SNTG1: variants seen among roughly 807,000 people sequenced by gnomAD.
The protein encoded by SNTG1 is gamma-1-syntrophin.
In SNTG1, 39 loss-of-function variants were observed where a neutral mutation model predicts 74.7. The observed-to-expected ratio is 0.52, with a 90% CI of 0.40 to 0.68. The LOEUF is 0.68. Ranked by LOEUF, SNTG1 falls within the 30% of genes least tolerant of loss-of-function variation. The pLI is 0.00. For synonymous variants in SNTG1, 254 were observed against 217.1 expected, an observed-to-expected ratio of 1.17 and a Z score of -1.49; for missense variants, 685 against 609.5, an observed-to-expected ratio of 1.12 and a Z score of -1.30.
chr8:50,744,280 T>C (rs1187692257), intron 17 of SNTG1, among the ~76,000 whole-genome samples: 2 of 152,028 alleles, frequency 1.3e-5, no homozygotes, highest in African/African-American at 4.8e-5. Context: ...GTTGTGTATC[T>C]ATACACTAAC....
chr8:50,070,725 G>A lies in SNTG1; in HGVS notation c.-102-101836G>A, dbSNP rs929128001. Among the ~76,000 whole-genome samples, 4 of 152,316 alleles carry A rather than the reference G, an allele frequency of 2.6e-5. No homozygotes were observed. The Middle Eastern group carries it at 0.01, about 389-fold the overall frequency. ...TATTGCTGCATAACACAGTACCCACGAAAGTGAGTGGTTTAAAACAGCCAT... is the reference window on the plus strand; with the variant it reads ...TATTGCTGCATAACACAGTACCCACAAAAGTGAGTGGTTTAAAACAGCCAT... On this transcript the variant is annotated intron_variant, in intron 1 of 18. Transcript: ENST00000642720.
intron 1 of SNTG1, among the ~76,000 whole-genome samples, chr8:50,078,523 G>A (rs987009898): frequency 2.0e-5 from 3 of 152,166 alleles, no homozygotes; most frequent in African/African-American, 7.2e-5. Context: ...TTGCTGTTGT[G>A]AATGAGATTT....
chr8:50,361,857 A>G (rs945256043), intron 2 of SNTG1, among the ~76,000 whole-genome samples: 2 of 152,188 alleles, frequency 1.3e-5, no homozygotes, highest in Non-Finnish European at 2.9e-5. Flanking sequence ...ACACTATAGT[A>G]AGTATTTGTA....
intron 1 of SNTG1, among the ~76,000 whole-genome samples, chr8:49,960,231 T>C (rs896685483): frequency 2.6e-5 from 4 of 152,244 alleles, no homozygotes; most frequent in Admixed American, 2.6e-4. Flanking sequence ...AGTGATTTGT[T>C]TTCTTGACTC....
chr8:50,421,468 C>A lies in SNTG1; in HGVS notation c.163-17075C>A, dbSNP rs1158680764. 4.6e-5 allele frequency among the ~76,000 whole-genome samples: 7 copies of A among 152,262 alleles called. No homozygotes were observed. In the East Asian group the frequency reaches 1.2e-3, roughly 25 times the overall value. ...GTGAGGAACACCAGAGGCCACTCGT[C>A]ACCATTTTGTTTTTGGTGAGATTTA... On this transcript the variant is annotated intron_variant, in intron 4 of 18. Coordinates refer to ENST00000642720, the MANE Select transcript of SNTG1 (RefSeq NM_018967.5).
chr8:50,247,299 G>T (rs2086444444), intron 2 of SNTG1, among the ~76,000 whole-genome samples: 1 of 152,102 alleles, frequency 6.6e-6, no homozygotes, highest in African/African-American at 2.4e-5. Flanking sequence ...TAAAGCATCA[G>T]TGATGTTACC....
intron 12 of SNTG1, among the ~76,000 whole-genome samples, chr8:50,583,222 G>A (rs1165263259): frequency 3.3e-5 from 5 of 151,820 alleles, no homozygotes; most frequent in African/African-American, 1.2e-4. Context: ...GGCCAACATG[G>A]TGAAACCCTG....
intron 1 of SNTG1, among the ~76,000 whole-genome samples, chr8:50,042,941 G>T (rs916395473): frequency 2.6e-5 from 4 of 152,102 alleles, no homozygotes; most frequent in Non-Finnish European, 4.4e-5. Flanking sequence ...GCAATGTAAA[G>T]ATTTTGGCTT....
At chr8:50,520,301 TG>T (rs1473149871) in intron 9 of SNTG1, among the ~76,000 whole-genome samples, 3 of 152,174 alleles carry the variant, frequency 2.0e-5, no homozygotes, top group Non-Finnish European at 2.9e-5. Flanking sequence ...CAAGATGGAT[TG>T]AAGACTTAAA....
intron 13 of SNTG1, among the ~76,000 whole-genome samples, chr8:50,605,986 G>C (rs924992750): frequency 6.6e-6 from 1 of 152,124 alleles, no homozygotes; most frequent in Admixed American, 6.6e-5. Flanking sequence ...CTTGATCATG[G>C]TGAGTGATCT....
chr8:50,741,016 G>A (rs576138469), intron 17 of SNTG1, among the ~76,000 whole-genome samples: 1 of 152,110 alleles, frequency 6.6e-6, no homozygotes, highest in South Asian at 2.1e-4. Flanking sequence ...GAAGGGAGAA[G>A]AGCAGGAAAA....
chr8:49,934,549 G>A (rs151312100), intron 1 of SNTG1, among the ~76,000 whole-genome samples: 37 of 152,272 alleles, frequency 2.4e-4, no homozygotes, highest in Admixed American at 7.9e-4. Context: ...ACCTCAGAGA[G>A]AAGGTGGGAC....
intron 12 of SNTG1, among the ~76,000 whole-genome samples, chr8:50,553,687 T>C (rs1390389369): frequency 6.6e-6 from 1 of 152,176 alleles, no homozygotes; most frequent in Non-Finnish European, 1.5e-5. Flanking sequence ...CTCTTTCCAC[T>C]ACAACCGTTG....
At chr8:50,569,417 G>T (rs960733411) in intron 12 of SNTG1, among the ~76,000 whole-genome samples, 2 of 151,286 alleles carry the variant, frequency 1.3e-5, no homozygotes, top group Non-Finnish European at 2.9e-5. Flanking sequence ...AAAACTGTTT[G>T]GAAGCTATAT....
intron 8 of SNTG1, among the ~76,000 whole-genome samples, chr8:50,487,483 T>A (rs1470318937): frequency 1.3e-5 from 2 of 152,064 alleles, no homozygotes; most frequent in Non-Finnish European, 2.9e-5. Context: ...TGTGGCACAT[T>A]TACACCATGG....
rs746108040 is a variant in SNTG1 at position 50,502,859 on chromosome 8, C to T, written c.445C>T (p.Pro149Ser). 4 of 1,612,420 alleles carry T rather than the reference C, an allele frequency of 2.5e-6. No individual in the cohort carries two copies. The African/African-American group carries it at 4.0e-5, about 16-fold the overall frequency. ...AAGAGCACCTGCTTTCCTCAAACTC[C>T]CATTGAATGAAGATTGTGCATGTAA... The part of the protein sequence containing the change: ...LKRAPAFLKL[P>S]LNEDCACAPS... The change falls in exon 9 of 19, where the codon CCA becomes TCA. Residue 149 changes from proline (P) to serine (S), a missense_variant. Coordinates refer to ENST00000642720, the MANE Select transcript of SNTG1 (RefSeq NM_018967.5).
chr8:50,162,246 T>G (rs897741388), intron 1 of SNTG1, among the ~76,000 whole-genome samples: 2 of 151,878 alleles, frequency 1.3e-5, no homozygotes, highest in Non-Finnish European at 2.9e-5. Context: ...CTGCCCAGAG[T>G]GAACCCTGCG....
At chr8:50,671,075 A>G (rs1209132449) in intron 15 of SNTG1, among the ~76,000 whole-genome samples, 3 of 151,694 alleles carry the variant, frequency 2.0e-5, no homozygotes, top group African/African-American at 7.3e-5. Context: ...TGTTAGACCT[A>G]AAACCATAAA....
At chr8:50,000,078 T>C (rs185050067) in intron 1 of SNTG1, among the ~76,000 whole-genome samples, 4 of 152,282 alleles carry the variant, frequency 2.6e-5, no homozygotes, top group Admixed American at 2.6e-4. Flanking sequence ...GTTCATTCAT[T>C]TAACTTTTGT....
Sources: allele counts gnomAD v4.1 joint callset (sites outside exome capture counted in the v4.1 genomes callset), GRCh38; gene constraint gnomAD v4.1.1; transcripts MANE v1.5; gene names NCBI Gene and HGNC (gene_info 2026-07-23, HGNC 2026-07-21).